TLN2: variants seen among roughly 807,000 people sequenced by gnomAD.
The protein encoded by TLN2 is talin 2, also known as talin-2.
Under a neutral mutation model 294.7 loss-of-function variants are expected in TLN2, and 118 were observed. The observed-to-expected ratio is 0.40, with a 90% CI of 0.34 to 0.47. The LOEUF is 0.47. Among genes scored for constraint, TLN2 ranks in the 20% least tolerant of loss-of-function variants. The probability of loss-of-function intolerance (pLI) is 0.84; values close to 1 mark genes in which losing one functional copy is unlikely to be tolerated. For missense variants in TLN2, 3,083 were observed against 3,282.2 expected, an observed-to-expected ratio of 0.94 and a Z score of 1.48; for synonymous variants, 1,431 against 1,304.5, an observed-to-expected ratio of 1.10 and a Z score of -2.09.
chr15:62,650,070 C>T lies in TLN2; in HGVS notation c.137-14C>T, dbSNP rs2052410188. 6.2e-7 allele frequency: 1 copy of T among 1,613,592 alleles called. No homozygotes were observed. The highest frequency in any genetic ancestry group is 8.5e-7 in the Non-Finnish European group (1 of 1,179,654). On this transcript the variant is annotated splice_polypyrimidine_tract_variant and intron_variant, in intron 4 of 58. Transcript: ENST00000636159. ...CCACTTTGCCTTCTGTTTTTCTTCC[C>T]ATTTATATTTCAGCTTCTGACTATG...
At chr15:62,789,396 C>T (rs2064920845) in intron 45 of TLN2, among the ~76,000 whole-genome samples, 1 of 152,168 alleles carries the variant, frequency 6.6e-6, no homozygotes, top group South Asian at 2.1e-4. Flanking sequence ...AATTTTATTT[C>T]TGATGACCAC....
At position 62,708,770 on chromosome 15, in the gene TLN2, G is replaced by A; in HGVS notation, c.2441G>A (p.Ser814Asn). Residue 814 changes from serine (S) to asparagine (N), a missense_variant, in exon 21 of 59, where the codon AGC becomes AAC. Physicochemically the swap from Ser to Asn is conservative, Grantham distance 46. Transcript: ENST00000636159. Reference protein sequence around the residue: ...ATDTIMCVTESIFSSMGDAGE... With the variant: ...ATDTIMCVTENIFSSMGDAGE... ...GACACCATCATGTGTGTCACCGAGA[G>A]CATCTTCAGCTCCATGGGTGACGCT... 1.2e-6 allele frequency: 2 copies of A among 1,605,474 alleles called. No homozygotes were observed. Among genetic ancestry groups the A allele is most frequent in the Non-Finnish European group, 1.7e-6 (2 of 1,179,830 alleles).
intron 1 of TLN2, among the ~76,000 whole-genome samples, chr15:62,574,465 C>T (rs2044205658): frequency 6.6e-6 from 1 of 151,062 alleles, no homozygotes; most frequent in Non-Finnish European, 1.5e-5. Context: ...CTTGTAGCTC[C>T]AGGTACTCAG....
chr15:62,615,383 G>A (rs574436366), intron 2 of TLN2, among the ~76,000 whole-genome samples: 19 of 152,320 alleles, frequency 1.2e-4, no homozygotes, highest in Non-Finnish European at 1.8e-4. Flanking sequence ...GTCTGAACGG[G>A]TTTGAGAACA....
chr15:62,715,591 G>C (rs2059713585), intron 22 of TLN2, among the ~76,000 whole-genome samples: 1 of 152,206 alleles, frequency 6.6e-6, no homozygotes, highest in African/African-American at 2.4e-5. Context: ...AGATTTCTAA[G>C]ACATGTTCAA....
chr15:62,425,453 A>G (rs2034658976), intron 1 of TLN2, among the ~76,000 whole-genome samples: 1 of 152,152 alleles, frequency 6.6e-6, no homozygotes, highest in Non-Finnish European at 1.5e-5. Context: ...AGTTGCAGTG[A>G]GGGGCATTGA....
intron 1 of TLN2, among the ~76,000 whole-genome samples, chr15:62,451,299 A>C (rs181617836): frequency 1.2e-4 from 18 of 152,244 alleles, no homozygotes; most frequent in Non-Finnish European, 2.4e-4. Flanking sequence ...TAGTTGTGGC[A>C]GTCTCGCCAG....
At chr15:62,795,397 T>A (rs778284632) in intron 46 of TLN2, among the ~76,000 whole-genome samples, 1 of 152,142 alleles carries the variant, frequency 6.6e-6, no homozygotes, top group South Asian at 2.1e-4. Flanking sequence ...TGGTCAGGTT[T>A]ATGTCATAGG....
In TLN2 at chr15:62,843,063, A is replaced by C. The variant is rs1308759850; in HGVS notation, c.*2453A>C. The C allele has an allele frequency of 6.6e-6, 1 of 152,238 alleles. No homozygotes were observed. The highest frequency in any genetic ancestry group is 1.5e-5 in the Non-Finnish European group (1 of 68,058). 9.4% of individuals were successfully genotyped at this position (152,238 alleles called of 1,614,324 possible). A position where few individuals can be genotyped will look rare whatever the true frequency, so the allele number is the denominator to read the frequency against. On this transcript the variant is annotated 3_prime_UTR_variant, in exon 59 of 59. Transcript: ENST00000636159. ...CTGGTCCTTCAAAGGAAAATAACAC[A>C]GGCATGAGTTCATTTGGGAGTGTGA...
chr15:62,702,869 G>A lies in TLN2; in HGVS notation c.2004+5G>A, dbSNP rs1451840664. 6.2e-7 allele frequency: 1 copy of A among 1,613,276 alleles called. No homozygotes were observed. Among genetic ancestry groups the A allele is most frequent in the African/African-American group, 1.3e-5 (1 of 74,926 alleles). On this transcript the variant is annotated splice_donor_5th_base_variant and intron_variant, in intron 19 of 58. Coordinates refer to ENST00000636159, the MANE Select transcript of TLN2 (RefSeq NM_015059.3). ...GAGACTGATGAGCGATTCCAGGTAA[G>A]ATATTTGCAGGCTTATAGTCATGGA...
At chr15:62,545,548 C>CGTGTGTGTG (rs2041951050) in intron 1 of TLN2, among the ~76,000 whole-genome samples, 1 of 120,768 alleles carries the variant, frequency 8.3e-6, no homozygotes, top group African/African-American at 3.7e-5. Context: ...GTGTGTGTCA[C>CGTGTGTGTG]TGTGTCTCAA....
At chr15:62,794,506 C>T (rs1180872777) in intron 46 of TLN2, among the ~76,000 whole-genome samples, 1 of 152,190 alleles carries the variant, frequency 6.6e-6, no homozygotes, top group Non-Finnish European at 1.5e-5. Context: ...GAATGTCTCT[C>T]TCCCAGACAC....
chr15:62,488,768 G>A (rs2038547478), intron 1 of TLN2, among the ~76,000 whole-genome samples: 1 of 152,222 alleles, frequency 6.6e-6, no homozygotes. Flanking sequence ...GCCTCTCAGT[G>A]TGATAATGTT....
chr15:62,631,936 A>C (rs2049938659), intron 3 of TLN2, among the ~76,000 whole-genome samples: 1 of 152,014 alleles, frequency 6.6e-6, no homozygotes. Context: ...GATGATGATA[A>C]AATCTGTCAA....
At chr15:62,824,447 A>G (rs2141216290) in intron 54 of TLN2, among the ~76,000 whole-genome samples, 2 of 152,376 alleles carry the variant, frequency 1.3e-5, no homozygotes, top group Non-Finnish European at 2.9e-5. Context: ...GGTTTCAGCA[A>G]AAATTCAAGG....
intron 1 of TLN2, among the ~76,000 whole-genome samples, chr15:62,560,519 G>C (rs1171062139): frequency 1.3e-5 from 2 of 152,122 alleles, no homozygotes; most frequent in African/African-American, 4.8e-5. Context: ...TAGAGACAGG[G>C]TTTCATCATA....
chr15:62,586,143 C>T (rs919248188), intron 1 of TLN2, among the ~76,000 whole-genome samples: 5 of 152,188 alleles, frequency 3.3e-5, no homozygotes, highest in Admixed American at 1.3e-4. Flanking sequence ...TCTTAAATCC[C>T]GATGCATCTC....
At chr15:62,723,566 CAG>C (rs1228575398) in intron 26 of TLN2, among the ~76,000 whole-genome samples, 8 of 59,858 alleles carry the variant, frequency 1.3e-4, no homozygotes, top group African/African-American at 3.9e-4. Context: ...TTTTGTGAAA[CAG>C]GGTCTTGCCC....
intron 57 of TLN2, among the ~76,000 whole-genome samples, chr15:62,838,470 A>G (rs1574505): frequency 0.085 from 12,949 of 152,280 alleles, 770 homozygotes; most frequent in East Asian, 0.22. Flanking sequence ...GTCCTCAAGT[A>G]TGTGCTAAAT....
Sources: allele counts gnomAD v4.1 joint callset (sites outside exome capture counted in the v4.1 genomes callset), GRCh38; gene constraint gnomAD v4.1.1; transcripts MANE v1.5; gene names NCBI Gene and HGNC (gene_info 2026-07-23, HGNC 2026-07-21).